The following GALNTL6 variants were observed in gnomAD, a reference collection of about 807,000 sequenced individuals.
The protein encoded by GALNTL6 is polypeptide N-acetylgalactosaminyltransferase-like 6.
Under a neutral mutation model 73.7 loss-of-function variants are expected in GALNTL6, and 46 were observed. That is an observed-to-expected ratio of 0.62 (90% CI 0.49 to 0.80). The LOEUF is 0.80. Among genes scored for constraint, GALNTL6 ranks in the 30% least tolerant of loss-of-function variants. The pLI is 0.00. For missense variants in GALNTL6, 604 were observed against 755.0 expected (o/e 0.80, Z 2.34); for synonymous variants, 259 against 263.7 (o/e 0.98, Z 0.17).
At chr4:173,018,570 AG>A (rs1380870128) in intron 11 of GALNTL6, among the ~76,000 whole-genome samples, 3 of 152,228 alleles carry the variant, frequency 2.0e-5, no homozygotes, top group African/African-American at 4.8e-5. Context: ...GAAATAGGTA[AG>A]GGATGGAAAG....
At chr4:172,119,646 T>C (rs1318482049) in intron 2 of GALNTL6, among the ~76,000 whole-genome samples, 1 of 151,952 alleles carries the variant, frequency 6.6e-6, no homozygotes, top group Non-Finnish European at 1.5e-5. Context: ...TTTTAAGTTT[T>C]GCAGACCATA....
chr4:172,184,123 A>T (rs1735345427), intron 2 of GALNTL6, among the ~76,000 whole-genome samples: 1 of 152,130 alleles, frequency 6.6e-6, no homozygotes, highest in South Asian at 2.1e-4. Flanking sequence ...TGTATAGCAG[A>T]CATTCTTGAA....
At chr4:172,882,356 A>T (rs917186605) in intron 7 of GALNTL6, among the ~76,000 whole-genome samples, 1 of 152,160 alleles carries the variant, frequency 6.6e-6, no homozygotes, top group Non-Finnish European at 1.5e-5. Context: ...GTACTGAGAG[A>T]TTACTCAAAG....
chr4:172,201,935 G>A (rs979605203), intron 2 of GALNTL6, among the ~76,000 whole-genome samples: 20 of 152,132 alleles, frequency 1.3e-4, no homozygotes, highest in Admixed American at 1.3e-4. Context: ...AGAAATGGGC[G>A]GGGAAATAGT....
chr4:172,256,002 C>T (rs776423484), intron 3 of GALNTL6, among the ~76,000 whole-genome samples: 1 of 151,310 alleles, frequency 6.6e-6, no homozygotes, highest in Non-Finnish European at 1.5e-5. Flanking sequence ...CTATGCATAT[C>T]GCATATTTGT....
At position 172,228,636 on chromosome 4, in the gene GALNTL6, C is replaced by T. The variant is rs1736948800; in HGVS notation, c.139-1020C>T. Among the ~76,000 whole-genome samples, 4 of 151,840 alleles carry T rather than the reference C, an allele frequency of 2.6e-5. No individual in the cohort carries two copies. In the South Asian group the frequency reaches 8.3e-4, roughly 32 times the overall value. ...ATTATTCATCTTTTGGCTAAATTGACTTTTTTTTGCTTTCTAGAATTTTAT... is the reference window on the plus strand; with the variant it reads ...ATTATTCATCTTTTGGCTAAATTGATTTTTTTTTGCTTTCTAGAATTTTAT... On this transcript the variant is annotated intron_variant, in intron 2 of 12. Transcript: ENST00000506823.
At chr4:172,211,238 T>C (rs773410965) in intron 2 of GALNTL6, among the ~76,000 whole-genome samples, 2 of 152,202 alleles carry the variant, frequency 1.3e-5, no homozygotes, top group African/African-American at 4.8e-5. Flanking sequence ...GATTAGACAA[T>C]AGTATTTTGA....
chr4:171,883,200 A>G (rs193053130), intron 2 of GALNTL6, among the ~76,000 whole-genome samples: 57 of 152,072 alleles, frequency 3.7e-4, no homozygotes, highest in Non-Finnish European at 4.6e-4. Context: ...AAAATACAAA[A>G]AAATTAGCTG....
chr4:171,942,298 A>G (rs1738575681), intron 2 of GALNTL6, among the ~76,000 whole-genome samples: 1 of 136,778 alleles, frequency 7.3e-6, no homozygotes, highest in Admixed American at 7.8e-5. Context: ...GACAGAGAAA[A>G]ATGAGGGGAG....
intron 10 of GALNTL6, among the ~76,000 whole-genome samples, chr4:172,969,013 TACA>T (rs1336937261): frequency 3.9e-5 from 6 of 152,082 alleles, no homozygotes; most frequent in Admixed American, 6.5e-5. Flanking sequence ...AGATGAAAAC[TACA>T]ACATTAGATT....
chr4:171,956,764 C>A (rs1010533749), intron 2 of GALNTL6, among the ~76,000 whole-genome samples: 1 of 152,124 alleles, frequency 6.6e-6, no homozygotes, highest in South Asian at 2.1e-4. Flanking sequence ...AGACCCTTTG[C>A]TTTTTTCATT....
intron 5 of GALNTL6, among the ~76,000 whole-genome samples, chr4:172,564,700 T>C (rs1455504744): frequency 6.6e-6 from 1 of 152,136 alleles, no homozygotes; most frequent in Non-Finnish European, 1.5e-5. Context: ...AACAAACTAA[T>C]TGCATAGGAG....
At chr4:172,229,907 C>A in intron 3 of GALNTL6, 143 bp downstream of exon 3, 1 of 569,514 alleles carries the variant, frequency 1.8e-6, no homozygotes, top group Non-Finnish European at 3.1e-6. Flanking sequence ...TGGACAGAAC[C>A]TAAATGACTT....
chr4:171,964,965 G>A (rs1031117796), intron 2 of GALNTL6, among the ~76,000 whole-genome samples: 1 of 152,236 alleles, frequency 6.6e-6, no homozygotes, highest in Non-Finnish European at 1.5e-5. Context: ...ATGGATTTCA[G>A]TGATGTCTTT....
intron 2 of GALNTL6, among the ~76,000 whole-genome samples, chr4:172,108,808 T>C (rs1732763331): frequency 1.3e-5 from 2 of 151,934 alleles, no homozygotes; most frequent in South Asian, 4.1e-4. Context: ...GGTCAGGAGT[T>C]TGAGACCAGC....
rs1408493908 is a variant in GALNTL6, at chr4:172,266,966, A to G, written c.247+37202A>G. ...TTGGTTCCAGGAATTTTGATTGAGTATATAGAAGATGGGGTCCGGGGAATT... is the reference window on the plus strand; with the variant it reads ...TTGGTTCCAGGAATTTTGATTGAGTGTATAGAAGATGGGGTCCGGGGAATT... On this transcript the variant is annotated intron_variant, in intron 3 of 12. Transcript: ENST00000506823. Among the ~76,000 whole-genome samples the G allele has an allele frequency of 3.3e-5, 5 of 152,156 alleles. No individual in the cohort carries two copies. The East Asian group carries it at 7.7e-4, about 23-fold the overall frequency.
chr4:172,265,003 G>T (rs1325830382), intron 3 of GALNTL6, among the ~76,000 whole-genome samples: 1 of 151,338 alleles, frequency 6.6e-6, no homozygotes, highest in Non-Finnish European at 1.5e-5. Flanking sequence ...CCAAAAAGCT[G>T]GTATTGTTGT....
At chr4:172,895,396 A>AT (rs1475691783) in intron 8 of GALNTL6, among the ~76,000 whole-genome samples, 34 of 146,450 alleles carry the variant, frequency 2.3e-4, no homozygotes, top group African/African-American at 8.8e-4. Context: ...ATATATATAT[A>AT]TATATATTTT....
chr4:172,473,178 G>A (rs963318005), intron 5 of GALNTL6, among the ~76,000 whole-genome samples: 25 of 151,986 alleles, frequency 1.6e-4, no homozygotes, highest in Admixed American at 6.6e-4. Flanking sequence ...GCCAATCTAC[G>A]CACTATCCCA....
Sources: gnomAD v4.1 joint callset for allele counts (sites outside exome capture counted in the v4.1 genomes callset) on GRCh38, gnomAD v4.1.1 for gene constraint, MANE v1.5 for transcripts, NCBI Gene and HGNC (gene_info 2026-07-23, HGNC 2026-07-21) for gene names.